Variants in RPE observed in about 807,000 individuals in gnomAD.
RPE encodes ribulose-5-phosphate-3-epimerase.
Under a neutral mutation model 24.6 loss-of-function variants are expected in RPE, and 16 were observed. That is an observed-to-expected ratio of 0.65 (90% CI 0.44 to 0.99). The LOEUF (loss-of-function observed/expected upper bound fraction) is 0.99. Ranked by LOEUF, RPE falls within the 50% of genes least tolerant of loss-of-function variation. The pLI is 0.00. For synonymous variants in RPE, 93 were observed against 98.4 expected (o/e 0.94, Z 0.33); for missense variants, 240 against 294.5 (o/e 0.81, Z 1.35).
intron 2 of RPE, among the ~76,000 whole-genome samples, chr2:210,015,495 A>G (rs58279250): frequency 0.14 from 21,192 of 152,166 alleles, 1,820 homozygotes; most frequent in East Asian, 0.3. Context: ...TGACTCTCGC[A>G]TTAAGAATGT....
At position 210,021,967 on chromosome 2, in the gene RPE, TTAAC is replaced by T. The variant is rs556861022; in HGVS notation, c.*2180_*2183del. On this transcript the variant is annotated 3_prime_UTR_variant, in exon 6 of 6. Transcript: ENST00000359429. ...AGCTAGAAATAGAAATCAGCCAGAA[TTAAC>T]TAATTTCTTGCTAATCTAGAAATAC... The T allele has an allele frequency of 2.2e-4, 34 of 151,624 alleles. No individual in the cohort carries two copies. The highest frequency in any genetic ancestry group is 6.8e-4 in the African/African-American group (28 of 41,334). 9.4% of individuals were successfully genotyped at this position (151,624 alleles called of 1,614,324 possible).
At chr2:210,010,362 G>A (rs1011903228) in intron 2 of RPE, among the ~76,000 whole-genome samples, 5 of 152,164 alleles carry the variant, frequency 3.3e-5, no homozygotes, top group Admixed American at 2.6e-4. Context: ...AGTTAGCAAT[G>A]TCTCACCTGC....
chr2:210,014,303 A>G (rs1212119918), intron 2 of RPE, among the ~76,000 whole-genome samples: 1 of 151,492 alleles, frequency 6.6e-6, no homozygotes, highest in Non-Finnish European at 1.5e-5. Flanking sequence ...GTTAGCCAGG[A>G]TGGTCTCGAT....
chr2:210,012,984 G>A lies in RPE; in HGVS notation c.203-2989G>A, dbSNP rs548357487. On this transcript the variant is annotated intron_variant, in intron 2 of 5. Transcript: ENST00000359429. ...AATGGGTTTTAATGTAACAAAGAAT[G>A]AAAAGCTCATTGATAGGGTTTACAG... Among the ~76,000 whole-genome samples, 187 of 152,312 alleles carry A rather than the reference G, an allele frequency of 1.2e-3. 1 individual carries two copies. Among genetic ancestry groups the A allele is most frequent in the African/African-American group, 4.2e-3 (176 of 41,578 alleles).
intron 2 of RPE, among the ~76,000 whole-genome samples, chr2:210,011,290 T>G (rs981929632): frequency 6.6e-6 from 1 of 152,210 alleles, no homozygotes; most frequent in Non-Finnish European, 1.5e-5. Context: ...GAATTACGGT[T>G]GTTCTCATGA....
rs1553637881 is a variant in RPE, at chr2:210,022,003, C to CATCT, written c.*2212_*2213insATCT. On this transcript the variant is annotated 3_prime_UTR_variant, in exon 6 of 6. Transcript: ENST00000359429. Reference sequence around the variant, plus strand: ...CTTGCTAATCTAGAAATACAATCATCTTTTTTTTTTTTTTCAAATTTTATA... The same window carrying CATCT: ...CTTGCTAATCTAGAAATACAATCATCATCTTTTTTTTTTTTTTTCAAATTTTATA... The CATCT allele has an allele frequency of 7.4e-6, 1 of 134,682 alleles. No individual in the cohort carries two copies. Among genetic ancestry groups the CATCT allele is most frequent in the African/African-American group, 2.7e-5 (1 of 36,638 alleles). The allele number at this position is 134,682 out of a possible 1,614,324, so 8.3% of individuals were successfully genotyped here. A position where few individuals can be genotyped will look rare whatever the true frequency, so the allele number is the denominator to read the frequency against.
At chr2:210,009,845 C>T (rs1450707768) in intron 2 of RPE, 109 bp downstream of exon 2, 3 of 1,447,696 alleles carry the variant, frequency 2.1e-6, no homozygotes, top group Non-Finnish European at 2.9e-6. Flanking sequence ...CCCAACTTTC[C>T]TATCCTGGGT....
intron 5 of RPE, 31 bp downstream of exon 5, chr2:210,017,590 A>T: frequency 6.3e-7 from 1 of 1,591,598 alleles, no homozygotes; most frequent in Non-Finnish European, 8.6e-7. Context: ...TGACTAGACC[A>T]ATTTCCCGTC....
intron 2 of RPE, among the ~76,000 whole-genome samples, chr2:210,015,506 A>G: frequency 6.6e-6 from 1 of 152,230 alleles, no homozygotes; most frequent in South Asian, 2.1e-4. Flanking sequence ...TTAAGAATGT[A>G]ATCCCTATGA....
chr2:210,002,684 G>A lies in RPE; in HGVS notation c.23G>A (p.Gly8Asp). 1 of 1,613,972 alleles carries A rather than the reference G, an allele frequency of 6.2e-7. No homozygotes were observed. Among genetic ancestry groups the A allele is most frequent in the Non-Finnish European group, 8.5e-7 (1 of 1,179,858 alleles). The change falls in exon 1 of 6, where the codon GGC (glycine) becomes GAC (aspartate). Residue 8 changes from glycine to aspartate, a missense_variant. Coordinates refer to ENST00000359429, the MANE Select transcript of RPE (RefSeq NM_199229.3). ...GGTATGGCGTCGGGCTGCAAGATTG[G>A]CCCGTCCATCCTCAACAGCGACCTG... Reference protein sequence around the residue: MASGCKIGPSILNSDLAN... With the variant: MASGCKIDPSILNSDLAN...
chr2:210,016,390 T>C (rs2093772614), intron 3 of RPE, 117 bp from the exon 4 acceptor site: 1 of 1,566,834 alleles, frequency 6.4e-7, no homozygotes. Context: ...TTACATTTAA[T>C]AGTCTTGTTA....
At chr2:210,017,405 T>TCGCC in intron 4 of RPE, 68 bp from the exon 5 acceptor site, 1 of 1,222,650 alleles carries the variant, frequency 8.2e-7, no homozygotes. Flanking sequence ...TGTTTGATTG[T>TCGCC]CCCCCACCCC....
intron 1 of RPE, among the ~76,000 whole-genome samples, chr2:210,005,992 TGA>T (rs1559474538): frequency 6.6e-6 from 1 of 152,176 alleles, no homozygotes; most frequent in African/African-American, 2.4e-5. Context: ...TGATGGAACA[TGA>T]GAGAGAAAAT....
rs1238130541 is a variant in RPE, at chr2:210,022,122, A to AGAT, written c.*2333_*2335dup. 1.3e-5 allele frequency: 2 copies of AGAT among 151,808 alleles called. No homozygotes were observed. The highest frequency in any genetic ancestry group is 4.8e-5 in the African/African-American group (2 of 41,318). The allele number at this position is 151,808 out of a possible 1,614,324, so 9.4% of individuals were successfully genotyped here. On this transcript the variant is annotated 3_prime_UTR_variant, in exon 6 of 6. Coordinates refer to ENST00000359429, the MANE Select transcript of RPE (RefSeq NM_199229.3). The stretch of plus-strand genomic sequence containing the variant: ...GGTAAAACTCAAATTGAGTTTTCAA[A>AGAT]GATGTGATAGTATTAAAGTGCACCA...
chr2:210,006,228 C>T (rs1181667282), intron 1 of RPE, among the ~76,000 whole-genome samples: 2 of 152,196 alleles, frequency 1.3e-5, no homozygotes, highest in African/African-American at 4.8e-5. Flanking sequence ...TGTTAACTCC[C>T]TCTGGCATTT....
In RPE at chr2:210,020,550, C is replaced by CT. The variant is rs1159569606; in HGVS notation, c.*765dup. ...CTGGACCTTTAACAAATCACCCAAT[C>CT]TTTTTTGTGTTTCTCTAAAGTCATT... On this transcript the variant is annotated 3_prime_UTR_variant, in exon 6 of 6. Transcript: ENST00000359429. 1.2e-5 allele frequency: 2 copies of CT among 166,870 alleles called. No individual in the cohort carries two copies. Among genetic ancestry groups the CT allele is most frequent in the Non-Finnish European group, 2.9e-5 (2 of 68,066 alleles). The allele number at this position is 166,870 out of a possible 1,614,324, so 10.3% of individuals were successfully genotyped here. A position where few individuals can be genotyped will look rare whatever the true frequency, so the allele number is the denominator to read the frequency against.
At chr2:210,002,821 C>T (rs763303439) in intron 1 of RPE, 38 bp downstream of exon 1, 1 of 1,614,004 alleles carries the variant, frequency 6.2e-7, no homozygotes, top group Non-Finnish European at 8.5e-7. Flanking sequence ...TGCCGCGCGG[C>T]GGGGCGGATC....
rs370797277 is a variant in RPE at position 210,021,330 on chromosome 2, A to T, written c.*1539A>T. The T allele has an allele frequency of 2.6e-5, 4 of 152,448 alleles. No homozygotes were observed. The East Asian group carries it at 7.7e-4, about 29-fold the overall frequency. 9.4% of individuals were successfully genotyped at this position (152,448 alleles called of 1,614,324 possible). A position where few individuals can be genotyped will look rare whatever the true frequency, so the allele number is the denominator to read the frequency against. On this transcript the variant is annotated 3_prime_UTR_variant, in exon 6 of 6. Coordinates refer to ENST00000359429, the MANE Select transcript of RPE (RefSeq NM_199229.3). ...GCTTGCTTGGGTTTCTTCCTGCATT[A>T]CAAGGTAAAAATTTGTTAATGTTTG... is the stretch of plus-strand genomic sequence containing the variant.
At chr2:210,017,053 A>G (rs755751084) in intron 4 of RPE, among the ~76,000 whole-genome samples, 1 of 152,164 alleles carries the variant, frequency 6.6e-6, no homozygotes, top group Non-Finnish European at 1.5e-5. Flanking sequence ...CTACGTACCC[A>G]GGCTGGTCTT....
Sources: allele counts gnomAD v4.1 joint callset (sites outside exome capture counted in the v4.1 genomes callset), GRCh38; gene constraint gnomAD v4.1.1; transcripts MANE v1.5; gene names NCBI Gene and HGNC (gene_info 2026-07-23, HGNC 2026-07-21).